Variants in DSCAM observed in about 807,000 individuals in gnomAD.
DSCAM encodes DS cell adhesion molecule, also known as cell adhesion molecule DSCAM.
In DSCAM, 47 loss-of-function variants were observed where a neutral mutation model predicts 217.7. The observed-to-expected ratio is 0.22, with a 90% confidence interval of 0.17 to 0.28. The LOEUF is 0.28. Ranked by LOEUF, DSCAM falls within the 10% of genes least tolerant of loss-of-function variation. The probability of loss-of-function intolerance (pLI) is 1.00; values close to 1 mark genes in which losing one functional copy is unlikely to be tolerated. For synonymous variants in DSCAM, 1,056 were observed against 1,015.3 expected (o/e 1.04, Z -0.76); for missense variants, 2,080 against 2,618.3 (o/e 0.79, Z 4.49).
At chr21:40,803,546 C>A (rs548935688) in intron 1 of DSCAM, among the ~76,000 whole-genome samples, 3 of 152,040 alleles carry the variant, frequency 2.0e-5, no homozygotes, top group African/African-American at 4.8e-5. Flanking sequence ...GATCTCGGGC[C>A]CCCAGACTCC....
Position 40,085,695 on chromosome 21 carries a change from G to T in DSCAM, c.4039C>A (p.Arg1347Ser). 2 of 1,589,470 alleles carry T rather than the reference G, an allele frequency of 1.3e-6. No homozygotes were observed. The highest frequency in any genetic ancestry group is 1.7e-6 in the Non-Finnish European group (2 of 1,161,108). The change falls in exon 23 of 33, where the codon CGC (arginine) becomes AGC (serine). Residue 1347 changes from arginine (R) to serine (S), a missense_variant. Physicochemically the swap from Arg to Ser is moderately radical, Grantham distance 110. This residue lies in a region of DSCAM where 1,144 missense variants were observed against 1,421.1 expected (regional missense o/e 0.81). Transcript: ENST00000400454. ...CCGGAGTCTTCTGCTTTCACCGTGC[G>T]AATAATGAAGCTTCCGTTGCTAAAG... ...SIFSNGSFIIRTVKAEDSGYY... is the reference protein window; with the variant it reads ...SIFSNGSFIISTVKAEDSGYY...
intron 9 of DSCAM, among the ~76,000 whole-genome samples, chr21:40,303,545 G>T (rs971968589): frequency 2.0e-5 from 3 of 152,062 alleles, no homozygotes; most frequent in African/African-American, 7.2e-5. Context: ...GACATTGTTT[G>T]TTCATTATCT....
At chr21:40,201,747 T>C (rs2091071973) in intron 11 of DSCAM, among the ~76,000 whole-genome samples, 1 of 152,184 alleles carries the variant, frequency 6.6e-6, no homozygotes, top group Non-Finnish European at 1.5e-5. Flanking sequence ...AGCAGAAAAC[T>C]TCTTAATAAT....
chr21:40,591,308 CATAA>C (rs1017324579), intron 3 of DSCAM, among the ~76,000 whole-genome samples: 37 of 152,190 alleles, frequency 2.4e-4, no homozygotes, highest in Admixed American at 2.4e-3. Flanking sequence ...TTATAAACAA[CATAA>C]ATATTTTTCC....
At chr21:40,732,976 T>G (rs969892966) in intron 1 of DSCAM, among the ~76,000 whole-genome samples, 1 of 152,226 alleles carries the variant, frequency 6.6e-6, no homozygotes, top group Non-Finnish European at 1.5e-5. Flanking sequence ...ACAGCGACAG[T>G]TAAAGATTAA....
At chr21:40,659,677 ATCTG>A (rs1021291594) in intron 3 of DSCAM, among the ~76,000 whole-genome samples, 9 of 67,772 alleles carry the variant, frequency 1.3e-4, no homozygotes, top group Admixed American at 3.9e-4. Flanking sequence ...CTATCTGCCT[ATCTG>A]TCTATCTATT....
chr21:40,654,864 C>A (rs764250499), intron 3 of DSCAM, among the ~76,000 whole-genome samples: 1 of 152,148 alleles, frequency 6.6e-6, no homozygotes, highest in Non-Finnish European at 1.5e-5. Context: ...GTGAAATATT[C>A]ACCTTCCAGA....
intron 11 of DSCAM, among the ~76,000 whole-genome samples, chr21:40,231,566 G>A (rs898435730): frequency 6.7e-6 from 1 of 149,386 alleles, no homozygotes; most frequent in Non-Finnish European, 1.5e-5. Context: ...ACAGTGGCAT[G>A]ATCACGGCTC....
At chr21:40,300,736 A>G (rs551557689) in intron 9 of DSCAM, among the ~76,000 whole-genome samples, 14 of 152,194 alleles carry the variant, frequency 9.2e-5, no homozygotes, top group Non-Finnish European at 1.8e-4. Flanking sequence ...CTTCTCAAAC[A>G]TTAGAGGGCA....
intron 11 of DSCAM, among the ~76,000 whole-genome samples, chr21:40,231,009 GC>G (rs763536424): frequency 1.7e-4 from 24 of 142,932 alleles, no homozygotes; most frequent in Non-Finnish European, 3.1e-4. Flanking sequence ...TCTCGATTAT[GC>G]TTTTTTTTTT....
intron 3 of DSCAM, among the ~76,000 whole-genome samples, chr21:40,445,654 C>T (rs570686988): frequency 3.3e-5 from 5 of 152,148 alleles, no homozygotes; most frequent in Non-Finnish European, 5.9e-5. Flanking sequence ...CTCAGAATGG[C>T]CTCTGAAAAT....
chr21:40,776,139 T>C (rs116852876), intron 1 of DSCAM, among the ~76,000 whole-genome samples: 3,784 of 152,292 alleles, frequency 0.025, 70 homozygotes, highest in Non-Finnish European at 0.038. Flanking sequence ...TGGCCTATCA[T>C]GTTTCTCGAT....
At chr21:40,130,339 C>A (rs538630325) in intron 19 of DSCAM, among the ~76,000 whole-genome samples, 1 of 152,130 alleles carries the variant, frequency 6.6e-6, no homozygotes, top group African/African-American at 2.4e-5. Flanking sequence ...ATCACCAAGT[C>A]GTCCTTCGTG....
chr21:40,099,757 T>A (rs1390031136), intron 20 of DSCAM, among the ~76,000 whole-genome samples: 1 of 152,194 alleles, frequency 6.6e-6, no homozygotes, highest in African/African-American at 2.4e-5. Context: ...CTGGTTCTCA[T>A]GTTTTGCCAG....
chr21:40,725,625 T>A (rs748682186), intron 1 of DSCAM, among the ~76,000 whole-genome samples: 9 of 152,240 alleles, frequency 5.9e-5, no homozygotes, highest in Non-Finnish European at 1.2e-4. Context: ...ACTGAGTGTA[T>A]GGACAATGCA....
intron 3 of DSCAM, among the ~76,000 whole-genome samples, chr21:40,470,296 A>T (rs924699616): frequency 5.3e-5 from 8 of 152,250 alleles, no homozygotes; most frequent in African/African-American, 1.9e-4. Context: ...TCTGCCTTGC[A>T]GGAAAAAGCT....
chr21:40,192,578 C>A (rs1418483421), intron 11 of DSCAM, among the ~76,000 whole-genome samples: 5 of 152,326 alleles, frequency 3.3e-5, no homozygotes, highest in South Asian at 4.1e-4. Context: ...TTATAAATTA[C>A]CCAGTCTCTG....
rs374945271 is a variant in DSCAM, at chr21:40,512,714, T to C, written c.509-143469A>G. 4.6e-4 allele frequency among the ~76,000 whole-genome samples: 70 copies of C among 152,188 alleles called. 1 individual carries two copies. The South Asian group carries it at 0.014, about 30-fold the overall frequency. On this transcript the variant is annotated intron_variant, in intron 3 of 32. Coordinates refer to ENST00000400454, the MANE Select transcript of DSCAM (RefSeq NM_001389.5). Reference sequence around the variant, plus strand: ...GTAAAGTTATAGTACTGTATAGTTATGCGCCATAAGAGTAACAGTGCTCTG... The same window carrying C: ...GTAAAGTTATAGTACTGTATAGTTACGCGCCATAAGAGTAACAGTGCTCTG...
At chr21:40,391,207 C>A (rs1478421337) in intron 3 of DSCAM, among the ~76,000 whole-genome samples, 1 of 152,162 alleles carries the variant, frequency 6.6e-6, no homozygotes, top group Non-Finnish European at 1.5e-5. Flanking sequence ...TTACCAGGGG[C>A]TGGACTCATG....
Sources: gnomAD v4.1 joint callset for allele counts (sites outside exome capture counted in the v4.1 genomes callset) on GRCh38, gnomAD v4.1.1 for gene constraint, gnomAD v4.1.1 regional missense constraint, MANE v1.5 for transcripts, NCBI Gene and HGNC (gene_info 2026-07-23, HGNC 2026-07-21) for gene names.